NOC3L: variants seen among roughly 807,000 people sequenced by gnomAD.
NOC3L encodes nucleolar complex protein 3 homolog.
In NOC3L, 85 loss-of-function variants were observed where a neutral mutation model predicts 102.5. The ratio of observed to expected loss-of-function variants is 0.83; its 90% CI spans 0.70 to 0.99. The LOEUF is 0.99. Ranked by LOEUF, NOC3L falls within the 50% of genes least tolerant of loss-of-function variation. The pLI is 0.00. For synonymous variants in NOC3L, 303 were observed against 309.4 expected (o/e 0.98, Z 0.22); for missense variants, 878 against 914.9 (o/e 0.96, Z 0.52).
At position 94,355,550 on chromosome 10, in the gene NOC3L, A is replaced by G. The variant is rs118010145; in HGVS notation, c.566-457T>C. Among the ~76,000 whole-genome samples, 773 of 151,614 alleles carry G rather than the reference A, an allele frequency of 5.1e-3. 27 individuals carry two copies. The East Asian group carries it at 0.1, about 20-fold the overall frequency. The stretch of plus-strand genomic sequence containing the variant: ...AGACCATAGGTGAGCCACAATACCC[A>G]GCTAATTTTTGTGTTTTTTGTAGAG... On this transcript the variant is annotated intron_variant, in intron 5 of 20. Coordinates refer to ENST00000371361, the MANE Select transcript of NOC3L (RefSeq NM_022451.11).
At position 94,344,865 on chromosome 10, in the gene NOC3L, T is replaced by C. The variant is rs2054325303; in HGVS notation, c.1458A>G (p.Lys486=). 1 of 1,601,422 alleles carries C rather than the reference T, an allele frequency of 6.2e-7. No homozygotes were observed. Among genetic ancestry groups the C allele is most frequent in the Non-Finnish European group, 8.5e-7 (1 of 1,176,952 alleles). The change falls in exon 12 of 21, where the codon AAA becomes AAG. Residue 486 remains lysine, a synonymous_variant. Transcript: ENST00000371361. ...REAEASESTE[K]KLKLHTETLN... is the part of the protein sequence containing the mutation. ...TGAAACTGCCTACCAGTTTAAGTTT[T>C]TTCTCAGTACTCTCTGAAGCTTCTG...
intron 20 of NOC3L, 21 bp from the exon 21 acceptor site, chr10:94,334,326 T>C: frequency 6.6e-7 from 1 of 1,511,618 alleles, no homozygotes; most frequent in Non-Finnish European, 9.1e-7. Context: ...ATTTAAAGTA[T>C]GAGTTAGAAG....
the NOC3L span, chr10:94,324,479 T>A: frequency 6.2e-7 from 1 of 1,614,108 alleles, no homozygotes; most frequent in Non-Finnish European, 8.5e-7. Context: ...TCTCAGCGGG[T>A]CCTTCTGGAT....
intron 18 of NOC3L, 70 bp downstream of exon 18, chr10:94,338,538 T>C: frequency 2.1e-6 from 3 of 1,395,866 alleles, no homozygotes; most frequent in Non-Finnish European, 2.8e-6. Flanking sequence ...ATAACAACTA[T>C]TTGAAGAAAA....
intron 4 of NOC3L, 58 bp downstream of exon 4, chr10:94,357,116 A>C (rs1241430665): frequency 1.7e-5 from 22 of 1,265,240 alleles, no homozygotes; most frequent in Middle Eastern, 2.0e-4. Flanking sequence ...TGAAAAAAAA[A>C]CATGATATCA....
intron 2 of NOC3L, among the ~76,000 whole-genome samples, chr10:94,359,153 G>A (rs866389672): frequency 1.2e-4 from 18 of 152,078 alleles, no homozygotes; most frequent in African/African-American, 3.6e-4. Context: ...GGCTGAGCGC[G>A]GTGGCTCACA....
At chr10:94,340,058 C>T in intron 16 of NOC3L, 138 bp from the exon 17 acceptor site, 1 of 785,392 alleles carries the variant, frequency 1.3e-6, no homozygotes, top group Non-Finnish European at 2.0e-6. Flanking sequence ...TAGTGCTATA[C>T]TGCTAAGGAG....
In NOC3L at chr10:94,341,625, T is replaced by C. The variant is rs780053863; in HGVS notation, c.1644+48A>G. On this transcript the variant is annotated intron_variant, in intron 14 of 20. Coordinates refer to ENST00000371361, the MANE Select transcript of NOC3L (RefSeq NM_022451.11). ...CAATAAACCTGAAAAATTTTTAAAA[T>C]AGTAATTACCATTTATATCTTTTAA... The C allele has an allele frequency of 1.8e-5, 18 of 1,008,492 alleles. No individual in the cohort carries two copies. The East Asian group carries it at 3.5e-4, about 20-fold the overall frequency. The allele number at this position is 1,008,492 out of a possible 1,614,324, so 62.5% of individuals were successfully genotyped here. A position where few individuals can be genotyped will look rare whatever the true frequency, so the allele number is the denominator to read the frequency against.
chr10:94,340,908 G>A (rs1344867914), intron 14 of NOC3L, among the ~76,000 whole-genome samples: 2 of 151,272 alleles, frequency 1.3e-5, no homozygotes, highest in East Asian at 1.9e-4. Context: ...GTGAACCCGG[G>A]AGGCGGAGCT....
chr10:94,349,466 G>A, intron 9 of NOC3L, 88 bp from the exon 10 acceptor site: 3 of 1,221,472 alleles, frequency 2.5e-6, no homozygotes, highest in Admixed American at 5.9e-5. Flanking sequence ...GTTGTAGGGG[G>A]ACTGTCCTAG....
chr10:94,349,738 G>A (rs990046020), intron 9 of NOC3L, among the ~76,000 whole-genome samples: 10 of 152,026 alleles, frequency 6.6e-5, no homozygotes, highest in African/African-American at 2.2e-4. Flanking sequence ...ATCACATGGT[G>A]TATAATTTTC....
chr10:94,336,558 G>C (rs1021035902), intron 19 of NOC3L, among the ~76,000 whole-genome samples: 1 of 151,570 alleles, frequency 6.6e-6, no homozygotes, highest in African/African-American at 2.4e-5. Flanking sequence ...ATGTTGGCCA[G>C]GCTAGTCCTG....
the NOC3L span, chr10:94,325,411 C>A: frequency 3.4e-6 from 1 of 298,338 alleles, no homozygotes; most frequent in Non-Finnish European, 6.5e-6. Context: ...GCCTGACCAA[C>A]ATGGAGAAAC....
intron 18 of NOC3L, 67 bp downstream of exon 18, chr10:94,338,541 G>A: frequency 2.1e-6 from 3 of 1,396,342 alleles, no homozygotes; most frequent in Non-Finnish European, 2.8e-6. Context: ...ACAACTATTT[G>A]AAGAAAAACT....
At chr10:94,347,452 G>A (rs1002472504) in intron 10 of NOC3L, among the ~76,000 whole-genome samples, 2 of 152,164 alleles carry the variant, frequency 1.3e-5, no homozygotes, top group South Asian at 4.1e-4. Flanking sequence ...CTAGCATCAC[G>A]AAAGTTAAAG....
rs751118302 is a variant in NOC3L at position 94,339,877 on chromosome 10, A to T, written c.1824T>A (p.Asp608Glu). The change falls in exon 17 of 21, where the codon GAT becomes GAA. Residue 608 changes from aspartate (D) to glutamate (E), a missense_variant. Physicochemically the swap from Asp to Glu is conservative, Grantham distance 45. Coordinates refer to ENST00000371361, the MANE Select transcript of NOC3L (RefSeq NM_022451.11). ...EGVEIVLQCL[D>E]VMLTKRRKQV... is the part of the protein sequence containing the mutation. ...GCTTTCTGCGCTTAGTTAGCATGAC[A>T]TCAAGGCACTGGAGTACAATCTCAA... is the stretch of plus-strand genomic sequence containing the variant. The T allele has an allele frequency of 4.3e-6, 7 of 1,614,098 alleles. No homozygotes were observed. The highest frequency in any genetic ancestry group is 3.3e-5 in the South Asian group (3 of 91,088).
chr10:94,351,420 CTA>C (rs995065147), intron 8 of NOC3L, among the ~76,000 whole-genome samples: 3 of 152,194 alleles, frequency 2.0e-5, no homozygotes, highest in African/African-American at 4.8e-5. Flanking sequence ...CCTATTTTTT[CTA>C]TGTCCTTCCT....
chr10:94,316,700 A>G, the NOC3L span: 10 of 1,614,026 alleles, frequency 6.2e-6, no homozygotes, highest in Admixed American at 3.3e-5. Flanking sequence ...AATTTTAAGC[A>G]GCTGGTTTCC....
At chr10:94,344,282 A>G (rs1177094674) in intron 13 of NOC3L, 133 bp downstream of exon 13, 6 of 536,466 alleles carry the variant, frequency 1.1e-5, no homozygotes, top group Admixed American at 3.4e-5. Flanking sequence ...AATAGCTTCA[A>G]GTAAAGGCTG....
Sources: allele counts gnomAD v4.1 joint callset (sites outside exome capture counted in the v4.1 genomes callset), GRCh38; gene constraint gnomAD v4.1.1; transcripts MANE v1.5; gene names NCBI Gene and HGNC (gene_info 2026-07-23, HGNC 2026-07-21).